The following ICE1 variants were observed in gnomAD, a reference collection of about 807,000 sequenced individuals.
ICE1 encodes interactor of little elongation complex ELL subunit 1.
Under a neutral mutation model 192.7 loss-of-function variants are expected in ICE1, and 64 were observed. That is an observed-to-expected ratio of 0.33 (90% CI 0.27 to 0.41). The LOEUF (loss-of-function observed/expected upper bound fraction) is 0.41, where lower values mean the gene tolerates loss of function less well. ICE1 is among the 10% of genes least tolerant of loss of function. The probability of loss-of-function intolerance (pLI) is 1.00; values close to 1 mark genes in which losing one functional copy is unlikely to be tolerated. For missense variants in ICE1, 2,708 were observed against 2,696.0 expected (o/e 1.00, Z -0.10); for synonymous variants, 1,010 against 984.5 (o/e 1.03, Z -0.49).
chr5:5,435,962 G>A (rs559346587), intron 1 of ICE1, among the ~76,000 whole-genome samples: 5 of 151,962 alleles, frequency 3.3e-5, no homozygotes, highest in South Asian at 4.2e-4. Flanking sequence ...CACCGCACCC[G>A]GCCTAGATCC....
Position 5,489,501 on chromosome 5 carries a change from C to G in ICE1, c.*171C>G. 1.8e-6 allele frequency: 1 copy of G among 569,304 alleles called. No homozygotes were observed. The allele number at this position is 569,304 out of a possible 1,614,324, so 35.3% of individuals were successfully genotyped here. On this transcript the variant is annotated 3_prime_UTR_variant, in exon 19 of 19. Transcript: ENST00000296564. ...CAAGGAGACAGGAGAAACAAGCAGTCGCATAGTCGTTTTTCCCTAAATCTA... is the reference window on the plus strand; with the variant it reads ...CAAGGAGACAGGAGAAACAAGCAGTGGCATAGTCGTTTTTCCCTAAATCTA...
intron 1 of ICE1, among the ~76,000 whole-genome samples, chr5:5,427,562 A>G (rs1433513397): frequency 6.6e-6 from 1 of 152,192 alleles, no homozygotes; most frequent in African/African-American, 2.4e-5. Context: ...AGTTTGATGT[A>G]TGGTTGTCCT....
chr5:5,464,970 A>T lies in ICE1; in HGVS notation c.5636A>T (p.Glu1879Val). 6.2e-7 allele frequency: 1 copy of T among 1,613,818 alleles called. No homozygotes were observed. The highest frequency in any genetic ancestry group is 1.1e-5 in the South Asian group (1 of 91,018). Residue 1879 changes from glutamate (E) to valine (V), a missense_variant, in exon 13 of 19, where the codon GAA (glutamate) becomes GTA (valine). Glu to Val is a moderately radical substitution (Grantham distance 121, BLOSUM62 -2). Coordinates refer to ENST00000296564, the MANE Select transcript of ICE1 (RefSeq NM_015325.3). The surrounding 1 kb of genome is among the most constrained non-coding windows in gnomAD (Gnocchi z 4.0). ...KNLPGNLPPAEVATTNEERSC... is the reference protein window; with the variant it reads ...KNLPGNLPPAVVATTNEERSC... The stretch of plus-strand genomic sequence containing the variant: ...CTCCCAGGGAACCTCCCTCCAGCTG[A>T]AGTTGCAACAACAAATGAGGAAAGA...
chr5:5,435,765 G>A (rs1385942325), intron 1 of ICE1, among the ~76,000 whole-genome samples: 2 of 148,340 alleles, frequency 1.3e-5, no homozygotes, highest in Non-Finnish European at 3.0e-5. Context: ...CGCCTCTCAG[G>A]TTCAAGTGAT....
At position 5,463,974 on chromosome 5, in the gene ICE1, A is replaced by C; in HGVS notation, c.4640A>C (p.Glu1547Ala). 6.2e-7 allele frequency: 1 copy of C among 1,613,918 alleles called. No homozygotes were observed. Among genetic ancestry groups the C allele is most frequent in the Non-Finnish European group, 8.5e-7 (1 of 1,179,862 alleles). ...CACACATATTATAACTCAAAACTAGAGCCATCTGGCAAAAATAAGAATCGA... is the reference window on the plus strand; with the variant it reads ...CACACATATTATAACTCAAAACTAGCGCCATCTGGCAAAAATAAGAATCGA... ...SDHTYYNSKL[E>A]PSGKNKNRSK... Residue 1547 changes from glutamate (E) to alanine (A), a missense_variant, in exon 13 of 19, where the codon GAG becomes GCG. This residue lies in a region of ICE1 where 2,366 missense variants were observed against 2,276.6 expected (regional missense o/e 1.04). Coordinates refer to ENST00000296564, the MANE Select transcript of ICE1 (RefSeq NM_015325.3).
At chr5:5,480,676 G>A (rs1020713858) in intron 17 of ICE1, among the ~76,000 whole-genome samples, 4 of 152,058 alleles carry the variant, frequency 2.6e-5, no homozygotes, top group African/African-American at 4.8e-5. Context: ...TTACTGTATC[G>A]GCAAATTTGC....
intron 10 of ICE1, among the ~76,000 whole-genome samples, chr5:5,453,435 G>C (rs1403460187): frequency 6.6e-6 from 1 of 152,130 alleles, no homozygotes; most frequent in Non-Finnish European, 1.5e-5. Flanking sequence ...CTTAAGTAGA[G>C]CTAATCTCTT....
intron 14 of ICE1, among the ~76,000 whole-genome samples, chr5:5,468,172 C>T (rs1283324990): frequency 6.6e-6 from 1 of 152,188 alleles, no homozygotes; most frequent in African/African-American, 2.4e-5. Context: ...ACCTACTTCA[C>T]AAATCCATGA....
intron 16 of ICE1, among the ~76,000 whole-genome samples, chr5:5,474,134 C>T (rs565967378): frequency 9.9e-5 from 15 of 150,892 alleles, no homozygotes; most frequent in East Asian, 2.0e-4. Flanking sequence ...GGTGTGAGCC[C>T]GGGAGGCAGA....
chr5:5,478,469 A>G (rs544069830), intron 17 of ICE1, among the ~76,000 whole-genome samples: 1 of 152,370 alleles, frequency 6.6e-6, no homozygotes, highest in East Asian at 1.9e-4. Flanking sequence ...CACAAATGGA[A>G]AAACATTTCA....
intron 12 of ICE1, among the ~76,000 whole-genome samples, chr5:5,459,440 C>T (rs1406416112): frequency 1.3e-5 from 2 of 152,144 alleles, no homozygotes; most frequent in Non-Finnish European, 1.5e-5. Flanking sequence ...TGGTGGTGCA[C>T]AGACGTTCAG....
At chr5:5,475,924 T>G (rs1579577004) in intron 16 of ICE1, 49 bp from the exon 17 acceptor site, 2 of 1,080,740 alleles carry the variant, frequency 1.9e-6, no homozygotes, top group Admixed American at 1.9e-5. Context: ...GATATTAGTA[T>G]TATTTGAGTG....
At chr5:5,459,364 G>A (rs1579561162) in intron 12 of ICE1, among the ~76,000 whole-genome samples, 1 of 152,200 alleles carries the variant, frequency 6.6e-6, no homozygotes, top group Admixed American at 6.5e-5. Flanking sequence ...CTGTTTGGGA[G>A]AATAATGTAT....
intron 14 of ICE1, 33 bp downstream of exon 14, chr5:5,466,535 A>T: frequency 1.9e-6 from 3 of 1,559,650 alleles, no homozygotes; most frequent in Non-Finnish European, 2.6e-6. Context: ...TTGTATTGAA[A>T]ATATACGATT....
intron 13 of ICE1, among the ~76,000 whole-genome samples, chr5:5,465,719 C>T (rs1304731142): frequency 1.3e-5 from 2 of 152,164 alleles, no homozygotes; most frequent in African/African-American, 4.8e-5. Context: ...TGGATGACTT[C>T]TAGTGCTAGA....
rs1738939791 is a variant in ICE1, at chr5:5,464,975, GCAA to G, written c.5648_5650del (p.Thr1883del). The G allele has an allele frequency of 1.9e-6, 3 of 1,613,784 alleles. No individual in the cohort carries two copies. Among genetic ancestry groups the G allele is most frequent in the African/African-American group, 2.7e-5 (2 of 75,040 alleles). On this transcript the variant is annotated inframe_deletion, in exon 13 of 19. Transcript: ENST00000296564. The surrounding 1 kb of genome is among the most constrained non-coding windows in gnomAD (Gnocchi z 4.0). ...AGGGAACCTCCCTCCAGCTGAAGTT[GCAA>G]CAACAAATGAGGAAAGAAGTTGTTC...
intron 12 of ICE1, among the ~76,000 whole-genome samples, chr5:5,458,313 G>A (rs1284175267): frequency 6.6e-6 from 1 of 152,176 alleles, no homozygotes; most frequent in Non-Finnish European, 1.5e-5. Context: ...ATGTGTGCCT[G>A]TTATGTTCCA....
chr5:5,450,560 C>G (rs1394661625), intron 10 of ICE1, among the ~76,000 whole-genome samples: 2 of 152,126 alleles, frequency 1.3e-5, no homozygotes, highest in Non-Finnish European at 1.5e-5. Flanking sequence ...ATGGAATATT[C>G]ATATTCATAG....
chr5:5,443,147 GT>G lies in ICE1; in HGVS notation c.310-13del. On this transcript the variant is annotated intron_variant, in intron 5 of 18. Coordinates refer to ENST00000296564, the MANE Select transcript of ICE1 (RefSeq NM_015325.3). ...AGTGACTTTCATTTTGACAATATCT[GT>G]TTTTTTTCTTTTTTTAAAGAGTTCT... The G allele has an allele frequency of 8.2e-6, 11 of 1,348,848 alleles. No homozygotes were observed. Among genetic ancestry groups the G allele is most frequent in the East Asian group, 2.6e-5 (1 of 38,362 alleles). The allele number at this position is 1,348,848 out of a possible 1,614,324, so 83.6% of individuals were successfully genotyped here.
Sources: allele counts gnomAD v4.1 joint callset (sites outside exome capture counted in the v4.1 genomes callset), GRCh38; gene constraint gnomAD v4.1.1; regional missense constraint gnomAD v4.1.1; non-coding constraint Gnocchi (gnomAD v3.1); transcripts MANE v1.5; gene names NCBI Gene and HGNC (gene_info 2026-07-23, HGNC 2026-07-21).